The following SEPTIN10 variants were observed in gnomAD, a reference collection of about 807,000 sequenced individuals.
The protein encoded by SEPTIN10 is septin 10.
Under a neutral mutation model 54.8 loss-of-function variants are expected in SEPTIN10, and 66 were observed. That is an observed-to-expected ratio of 1.21 (90% CI 0.99 to 1.48). The LOEUF is 1.48. Ranked by LOEUF, SEPTIN10 falls within the 40% of genes most tolerant of loss-of-function variation. The pLI, the probability that SEPTIN10 is intolerant of heterozygous loss-of-function variation, is 0.00. For missense variants in SEPTIN10, 620 were observed against 545.6 expected (o/e 1.14, Z -1.36); for synonymous variants, 161 against 181.0 (o/e 0.89, Z 0.89).
chr2:109,555,058 T>C (rs772262228), intron 8 of SEPTIN10, among the ~76,000 whole-genome samples: 3 of 152,186 alleles, frequency 2.0e-5, no homozygotes, highest in Non-Finnish European at 2.9e-5. Context: ...CCTTCACTAC[T>C]GCAACAATCT....
At chr2:109,610,095 G>GTTTTTTTTT (rs554268137) in intron 1 of SEPTIN10, among the ~76,000 whole-genome samples, 5 of 143,434 alleles carry the variant, frequency 3.5e-5, no homozygotes, top group Admixed American at 1.4e-4. Context: ...TCCCTGAGGT[G>GTTTTTTTTT]TTTTTTTTTT....
chr2:109,592,862 T>C (rs1320152657), intron 2 of SEPTIN10, among the ~76,000 whole-genome samples, 189 bp downstream of exon 2: 2 of 152,010 alleles, frequency 1.3e-5, no homozygotes, highest in East Asian at 1.9e-4. Flanking sequence ...ATTAAGAATA[T>C]TGTGGATACT....
At chr2:109,552,357 C>A (rs919030745) in intron 9 of SEPTIN10, among the ~76,000 whole-genome samples, 1 of 152,170 alleles carries the variant, frequency 6.6e-6, no homozygotes, top group Non-Finnish European at 1.5e-5. Flanking sequence ...TCAGGGCAAA[C>A]AACCACCCCA....
At position 109,550,431 on chromosome 2, in the gene SEPTIN10, A is replaced by G. The variant is rs530206874; in HGVS notation, c.1161+2656T>C. ...GTGTTCAGGCGATTCTCCTGCCTCA[A>G]CCTCCTGAGTAGCTGGAATTATAGG... On this transcript the variant is annotated intron_variant, in intron 9 of 10. Coordinates refer to ENST00000397712, the MANE Select transcript of SEPTIN10 (RefSeq NM_144710.5). Among the ~76,000 whole-genome samples, 7 of 151,562 alleles carry G rather than the reference A, an allele frequency of 4.6e-5. 1 individual carries two copies. Among genetic ancestry groups the G allele is most frequent in the African/African-American group, 1.5e-4 (6 of 41,344 alleles).
At position 109,599,197 on chromosome 2, in the gene SEPTIN10, C is replaced by T. The variant is rs545428848; in HGVS notation, c.31-6078G>A. Among the ~76,000 whole-genome samples, 6 of 152,244 alleles carry T rather than the reference C, an allele frequency of 3.9e-5. 1 individual carries two copies. Among genetic ancestry groups the T allele is most frequent in the African/African-American group, 1.4e-4 (6 of 41,548 alleles). ...TGGAGGCCGGGCGCGGTGGCTCACA[C>T]CTGTAACCCCAGCACTCTGGGAGGC... is the stretch of plus-strand genomic sequence containing the variant. On this transcript the variant is annotated intron_variant, in intron 1 of 10. Transcript: ENST00000397712.
At chr2:109,559,275 C>T (rs563694522) in intron 8 of SEPTIN10, among the ~76,000 whole-genome samples, 1 of 152,298 alleles carries the variant, frequency 6.6e-6, no homozygotes, top group Non-Finnish European at 1.5e-5. Context: ...ATCATTTAAT[C>T]ACATATGACA....
intron 4 of SEPTIN10, among the ~76,000 whole-genome samples, chr2:109,582,304 C>T (rs145452411): frequency 0.026 from 3,948 of 152,142 alleles, 65 homozygotes; most frequent in South Asian, 0.075. Flanking sequence ...AATCTACAGA[C>T]TCAACGCTAT....
At chr2:109,610,436 C>T (rs1269443193) in intron 1 of SEPTIN10, among the ~76,000 whole-genome samples, 5 of 151,386 alleles carry the variant, frequency 3.3e-5, no homozygotes, top group South Asian at 2.2e-4. Context: ...AGGTCTGGGC[C>T]GGGCATGGTG....
At chr2:109,613,323 A>G in intron 1 of SEPTIN10, 1 of 407,228 alleles carries the variant, frequency 2.5e-6, no homozygotes, top group African/African-American at 2.1e-5. Flanking sequence ...ATGGAGGAAA[A>G]CTTGGACGAC....
chr2:109,613,941 T>G lies in SEPTIN10; in HGVS notation c.-114A>C. 1 of 1,216,610 alleles carries G rather than the reference T, an allele frequency of 8.2e-7. No homozygotes were observed. The highest frequency in any genetic ancestry group is 4.3e-5 in the Admixed American group (1 of 23,122). The allele number at this position is 1,216,610 out of a possible 1,614,324, so 75.4% of individuals were successfully genotyped here. ...AGAAGCAACGGGCGGGGCGCGAGGC[T>G]AGGCTGCCTCCGCGACGGGGAAGGG... On this transcript the variant is annotated 5_prime_UTR_variant, in exon 1 of 11. Transcript: ENST00000397712.
At chr2:109,607,951 T>G (rs921402974) in intron 1 of SEPTIN10, among the ~76,000 whole-genome samples, 1 of 152,162 alleles carries the variant, frequency 6.6e-6, no homozygotes, top group Non-Finnish European at 1.5e-5. Flanking sequence ...GAAAAAAAAC[T>G]GAAGATTATG....
intron 9 of SEPTIN10, 126 bp downstream of exon 9, chr2:109,552,961 G>C (rs1683362929): frequency 9.3e-7 from 1 of 1,075,896 alleles, no homozygotes; most frequent in East Asian, 2.4e-5. Flanking sequence ...CTATGTGTTG[G>C]AAAAGCTACT....
intron 8 of SEPTIN10, among the ~76,000 whole-genome samples, chr2:109,560,265 T>C (rs868694016): frequency 2.0e-5 from 3 of 152,134 alleles, no homozygotes; most frequent in Non-Finnish European, 1.5e-5. Context: ...TCTTCATTAT[T>C]CTCCAAGAAT....
At position 109,558,972 on chromosome 2, in the gene SEPTIN10, A is replaced by G. The variant is rs796811193; in HGVS notation, c.1028+5394T>C. ...GCGATCTCAGCTCACTGCAGCCTCC[A>G]CCTCCTGGGTTCAAGCAATTCTCCT... On this transcript the variant is annotated intron_variant, in intron 8 of 10. Coordinates refer to ENST00000397712, the MANE Select transcript of SEPTIN10 (RefSeq NM_144710.5). Among the ~76,000 whole-genome samples the G allele has an allele frequency of 4.0e-5, 6 of 151,340 alleles. 1 individual carries two copies. The highest frequency in any genetic ancestry group is 1.5e-4 in the African/African-American group (6 of 41,154).
chr2:109,544,282 G>A lies in SEPTIN10; in HGVS notation c.*27C>T. ...TTTAATAAAGTTTGCTTGTGATGAT[G>A]ACCTTCTGTGCTCTGGAACTTCTGT... is the stretch of plus-strand genomic sequence containing the variant. On this transcript the variant is annotated 3_prime_UTR_variant, in exon 11 of 11. Coordinates refer to ENST00000397712, the MANE Select transcript of SEPTIN10 (RefSeq NM_144710.5). 1 of 1,612,448 alleles carries A rather than the reference G, an allele frequency of 6.2e-7. No individual in the cohort carries two copies. Among genetic ancestry groups the A allele is most frequent in the Non-Finnish European group, 8.5e-7 (1 of 1,179,678 alleles).
intron 1 of SEPTIN10, among the ~76,000 whole-genome samples, chr2:109,611,514 T>C (rs1386319998): frequency 6.6e-6 from 1 of 151,784 alleles, no homozygotes; most frequent in Non-Finnish European, 1.5e-5. Context: ...AGGCAACATG[T>C]TGGGAGGCTG....
chr2:109,590,682 G>A (rs1693847221), intron 2 of SEPTIN10, among the ~76,000 whole-genome samples: 1 of 152,170 alleles, frequency 6.6e-6, no homozygotes. Context: ...ACTCGTCTGG[G>A]CCTCCCAAAG....
At chr2:109,610,527 C>G (rs1190313782) in intron 1 of SEPTIN10, among the ~76,000 whole-genome samples, 4 of 152,102 alleles carry the variant, frequency 2.6e-5, no homozygotes, top group Admixed American at 2.6e-4. Context: ...CCAGCTTGAC[C>G]AACATGGAGA....
At position 109,585,172 on chromosome 2, in the gene SEPTIN10, TG is replaced by T; in HGVS notation, c.366del (p.Ile123LeufsTer2). 6.2e-7 allele frequency: 1 copy of T among 1,609,022 alleles called. No individual in the cohort carries two copies. Among genetic ancestry groups the T allele is most frequent in the Non-Finnish European group, 8.5e-7 (1 of 1,177,994 alleles). ...TCACCAAATCCCACTGTATTCACAA[TG>T]GTCAATTTCAATTGAACATTACTTT... ...LQESNVQLKL[T>X]IVNTVGFGDQ... On this transcript the variant is annotated frameshift_variant, in exon 4 of 11. Coordinates refer to ENST00000397712, the MANE Select transcript of SEPTIN10 (RefSeq NM_144710.5). LOFTEE classifies it high-confidence loss of function.
Sources: gnomAD v4.1 joint callset for allele counts (sites outside exome capture counted in the v4.1 genomes callset) on GRCh38, gnomAD v4.1.1 for gene constraint, MANE v1.5 for transcripts, NCBI Gene and HGNC (gene_info 2026-07-23, HGNC 2026-07-21) for gene names.